PTPRT: variants seen among roughly 807,000 people sequenced by gnomAD.
PTPRT encodes the protein receptor-type tyrosine-protein phosphatase T.
Under a neutral mutation model 176.8 loss-of-function variants are expected in PTPRT, and 56 were observed. The ratio of observed to expected loss-of-function variants is 0.32; its 90% CI spans 0.26 to 0.40. The LOEUF (loss-of-function observed/expected upper bound fraction) is 0.40, where lower values mean the gene tolerates loss of function less well. Among genes scored for constraint, PTPRT ranks in the 10% least tolerant of loss-of-function variants. The probability of loss-of-function intolerance (pLI) is 1.00; values close to 1 mark genes in which losing one functional copy is unlikely to be tolerated. For missense variants in PTPRT, 1,540 were observed against 1,908.2 expected, an observed-to-expected ratio of 0.81 and a Z score of 3.60; for synonymous variants, 783 against 739.0, an observed-to-expected ratio of 1.06 and a Z score of -0.96.
chr20:43,049,348 C>T (rs6072957), intron 1 of PTPRT, among the ~76,000 whole-genome samples: 1,529 of 152,222 alleles, frequency 0.01, 12 homozygotes, highest in South Asian at 0.018. Flanking sequence ...TACATACATA[C>T]ATACATGCAT....
chr20:42,995,037 A>G (rs757022010), intron 1 of PTPRT, among the ~76,000 whole-genome samples: 2 of 152,236 alleles, frequency 1.3e-5, no homozygotes, highest in Non-Finnish European at 2.9e-5. Context: ...CTCTTTGTTT[A>G]GGGAAACATC....
intron 1 of PTPRT, among the ~76,000 whole-genome samples, chr20:42,926,057 G>T (rs1345111637): frequency 2.6e-5 from 4 of 152,232 alleles, no homozygotes; most frequent in African/African-American, 9.6e-5. Context: ...CTCTCAGGGG[G>T]TGTAGGCAGG....
intron 2 of PTPRT, among the ~76,000 whole-genome samples, chr20:42,870,433 C>G (rs1195008565): frequency 6.6e-6 from 1 of 152,314 alleles, no homozygotes; most frequent in South Asian, 2.1e-4. Flanking sequence ...TTGCTTCCAT[C>G]TCTTGGCTAC....
chr20:42,811,488 A>T (rs1358366924), intron 2 of PTPRT, among the ~76,000 whole-genome samples: 1 of 152,216 alleles, frequency 6.6e-6, no homozygotes, highest in Non-Finnish European at 1.5e-5. Flanking sequence ...CTTCTTTACC[A>T]AGAGATACTT....
At chr20:43,137,336 T>C (rs2013864123) in intron 1 of PTPRT, among the ~76,000 whole-genome samples, 1 of 152,210 alleles carries the variant, frequency 6.6e-6, no homozygotes, top group Non-Finnish European at 1.5e-5. Context: ...TCTGCCTTTT[T>C]TTGTAAATAA....
intron 17 of PTPRT, among the ~76,000 whole-genome samples, chr20:42,160,928 T>C (rs1381334180): frequency 4.6e-5 from 7 of 152,212 alleles, no homozygotes; most frequent in Admixed American, 6.5e-5. Context: ...AGGGCAAGCA[T>C]GCATGCTGGA....
intron 1 of PTPRT, among the ~76,000 whole-genome samples, chr20:42,915,671 T>TA (rs1419760740): frequency 6.6e-6 from 1 of 152,142 alleles, no homozygotes; most frequent in Admixed American, 6.6e-5. Context: ...ACCCAGGCTG[T>TA]AGTGCAACCT....
intron 6 of PTPRT, among the ~76,000 whole-genome samples, chr20:42,692,498 A>AACAAG (rs1403349940): frequency 6.6e-6 from 1 of 152,216 alleles, no homozygotes; most frequent in Non-Finnish European, 1.5e-5. Context: ...ATCAACAGCC[A>AACAAG]TTCATGATAA....
At chr20:42,194,450 A>G (rs1046227836) in intron 16 of PTPRT, among the ~76,000 whole-genome samples, 1 of 152,230 alleles carries the variant, frequency 6.6e-6, no homozygotes, top group Non-Finnish European at 1.5e-5. Flanking sequence ...TTAATCTGTC[A>G]AATGCCATTA....
At chr20:42,326,686 G>A (rs773657074) in intron 11 of PTPRT, among the ~76,000 whole-genome samples, 2 of 152,042 alleles carry the variant, frequency 1.3e-5, no homozygotes, top group Non-Finnish European at 2.9e-5. Context: ...CCTAGCACAC[G>A]GCTTGGTAGA....
At chr20:42,518,359 T>C (rs1284552475) in intron 7 of PTPRT, among the ~76,000 whole-genome samples, 2 of 152,038 alleles carry the variant, frequency 1.3e-5, no homozygotes, top group African/African-American at 4.8e-5. Flanking sequence ...TCAGATAATT[T>C]TGTATCTTTG....
chr20:42,819,454 A>G (rs1170925128), intron 2 of PTPRT, among the ~76,000 whole-genome samples: 2 of 152,180 alleles, frequency 1.3e-5, no homozygotes, highest in African/African-American at 4.8e-5. Context: ...AACATACTAA[A>G]ATATAAAGAC....
At chr20:42,067,533 A>G in the PTPRT span, among the ~76,000 whole-genome samples, 1 of 152,146 alleles carries the variant, frequency 6.6e-6, no homozygotes, top group African/African-American at 2.4e-5. Context: ...TAGGGCTCTC[A>G]GTGGGATTTT....
chr20:42,557,571 C>G (rs1465167762), intron 7 of PTPRT, among the ~76,000 whole-genome samples: 1 of 152,144 alleles, frequency 6.6e-6, no homozygotes, highest in African/African-American at 2.4e-5. Context: ...AACTATTAGC[C>G]CTTCTCACCA....
At chr20:42,365,786 C>T (rs556804632) in intron 9 of PTPRT, among the ~76,000 whole-genome samples, 105 of 152,276 alleles carry the variant, frequency 6.9e-4, no homozygotes, top group African/African-American at 1.7e-3. Context: ...GGACAAGCTT[C>T]GTCTAGAGCA....
chr20:42,617,872 G>T (rs2074112507), intron 7 of PTPRT, among the ~76,000 whole-genome samples: 1 of 137,360 alleles, frequency 7.3e-6, no homozygotes, highest in African/African-American at 3.2e-5. Context: ...CAATTTTGTT[G>T]ATCCTTTCAA....
intron 1 of PTPRT, among the ~76,000 whole-genome samples, chr20:43,034,582 C>T (rs1260929483): frequency 1.3e-5 from 2 of 150,980 alleles, no homozygotes; most frequent in African/African-American, 4.9e-5. Flanking sequence ...GATTCAGAAA[C>T]TGAAAGGAGA....
intron 7 of PTPRT, among the ~76,000 whole-genome samples, chr20:42,533,585 GC>G (rs1413351563): frequency 9.8e-5 from 15 of 152,286 alleles, no homozygotes; most frequent in Admixed American, 3.3e-4. Flanking sequence ...TTTTAGCTCT[GC>G]CATTACTAGC....
intron 2 of PTPRT, among the ~76,000 whole-genome samples, chr20:42,795,942 C>T (rs2077448141): frequency 1.3e-5 from 2 of 152,190 alleles, no homozygotes; most frequent in Admixed American, 1.3e-4. Context: ...ACAGTGAGCC[C>T]AATGCCGTTT....
Sources: gnomAD v4.1 joint callset for allele counts (sites outside exome capture counted in the v4.1 genomes callset) on GRCh38, gnomAD v4.1.1 for gene constraint, MANE v1.5 for transcripts, NCBI Gene and HGNC (gene_info 2026-07-23, HGNC 2026-07-21) for gene names.